The following GCN1 variants were observed in gnomAD, a reference collection of about 807,000 sequenced individuals.
GCN1 encodes GCN1 activator of EIF2AK4, also known as stalled ribosome sensor GCN1.
GCN1 carries 90 observed loss-of-function variants against 288.4 expected under a neutral mutation model. The ratio of observed to expected loss-of-function variants is 0.31; its 90% CI spans 0.26 to 0.37. The LOEUF (loss-of-function observed/expected upper bound fraction) is 0.37. Ranked by LOEUF, GCN1 falls within the 10% of genes least tolerant of loss-of-function variation. The probability of loss-of-function intolerance (pLI) is 1.00; values close to 1 mark genes in which losing one functional copy is unlikely to be tolerated. For missense variants in GCN1, 2,586 were observed against 3,419.9 expected, an observed-to-expected ratio of 0.76 and a Z score of 6.08; for synonymous variants, 1,386 against 1,420.2, an observed-to-expected ratio of 0.98 and a Z score of 0.54.
intron 16 of GCN1, among the ~76,000 whole-genome samples, chr12:120,167,352 C>CAAAAA (rs58505091): frequency 5.5e-5 from 4 of 73,034 alleles, no homozygotes; most frequent in Non-Finnish European, 6.0e-5. Flanking sequence ...AACTCCATCT[C>CAAAAA]AAAAAAAAAA....
intron 38 of GCN1, 121 bp downstream of exon 38, chr12:120,146,931 T>C: frequency 1.8e-6 from 1 of 556,820 alleles, no homozygotes. Context: ...TTTCTCCCCA[T>C]AAAAATAATT....
In GCN1 at chr12:120,152,421, T is replaced by C. The variant is rs56727330; in HGVS notation, c.4062+792A>G. ...CACACACACACACACAAAATATATATATATAAATATATATATATTTATATA... is the reference window on the plus strand; with the variant it reads ...CACACACACACACACAAAATATATACATATAAATATATATATATTTATATA... On this transcript the variant is annotated intron_variant, in intron 33 of 57. Coordinates refer to ENST00000300648, the MANE Select transcript of GCN1 (RefSeq NM_006836.2). Among the ~76,000 whole-genome samples, 741 of 128,658 alleles carry C rather than the reference T, an allele frequency of 5.8e-3. 11 individuals are homozygous for C. The highest frequency in any genetic ancestry group is 0.022 in the African/African-American group (709 of 32,686). The allele number at this position is 128,658 out of a possible 152,430, so 84.4% of individuals were successfully genotyped here.
intron 45 of GCN1, chr12:120,139,082 G>A: frequency 2.8e-6 from 1 of 356,366 alleles, no homozygotes; most frequent in Middle Eastern, 8.3e-4. Flanking sequence ...GGCCAAGGTG[G>A]GCGGATGACT....
chr12:120,167,079 C>T (rs558027334), intron 16 of GCN1, among the ~76,000 whole-genome samples: 150 of 151,944 alleles, frequency 9.9e-4, no homozygotes, highest in South Asian at 4.8e-3. Context: ...GTGGCTCATG[C>T]CTGTAATCCC....
chr12:120,130,221 G>A (rs1329172379), intron 56 of GCN1, among the ~76,000 whole-genome samples: 1 of 152,190 alleles, frequency 6.6e-6, no homozygotes, highest in African/African-American at 2.4e-5. Context: ...CAGGAGCCCT[G>A]CTGGCACATT....
At chr12:120,168,364 C>T in intron 15 of GCN1, 64 bp from the exon 16 acceptor site, 1 of 929,570 alleles carries the variant, frequency 1.1e-6, no homozygotes, top group Non-Finnish European at 1.8e-6. Flanking sequence ...TGATCTACTC[C>T]ATCCTGAAGC....
intron 34 of GCN1, among the ~76,000 whole-genome samples, 173 bp downstream of exon 34, chr12:120,150,972 A>G (rs188057213): frequency 6.6e-6 from 1 of 152,106 alleles, no homozygotes; most frequent in African/African-American, 2.4e-5. Flanking sequence ...AAAATTTGCA[A>G]GTCCAAGGAA....
chr12:120,161,636 T>C (rs1175618236), intron 21 of GCN1, 53 bp from the exon 22 acceptor site: 1 of 1,334,238 alleles, frequency 7.5e-7, no homozygotes, highest in Admixed American at 1.7e-5. Context: ...GCAAGTCCTG[T>C]CAGCCTCCCG....
Position 120,153,294 on chromosome 12 carries a change from G to A in GCN1, c.3981C>T (p.Ala1327=). The change falls in exon 33 of 58, where the codon GCC becomes GCT. Residue 1327 remains alanine (A), a synonymous_variant. Transcript: ENST00000300648. This position sits in a 1 kb window ranked among gnomAD's most constrained non-coding sequence, Gnocchi z 4.4. ...QSVVVLMGSL[A]KHLDKSDPKV... The stretch of plus-strand genomic sequence containing the variant: ...TGGGGTCACTCTTGTCCAGGTGCTT[G>A]GCCAGAGAGCCCATCAGGACCACCA... 1 of 1,614,170 alleles carries A rather than the reference G, an allele frequency of 6.2e-7. No homozygotes were observed. The highest frequency in any genetic ancestry group is 8.5e-7 in the Non-Finnish European group (1 of 1,180,026).
chr12:120,136,181 C>A (rs1214152392), intron 51 of GCN1, among the ~76,000 whole-genome samples: 1 of 152,112 alleles, frequency 6.6e-6, no homozygotes, highest in Non-Finnish European at 1.5e-5. Context: ...ATGTAGCAGG[C>A]ATCATGCTGG....
chr12:120,157,864 G>A lies in GCN1; in HGVS notation c.3072C>T (p.Pro1024=), dbSNP rs375573376. ...CCCTGCCAACCTCGTCCACCCGCCC[G>A]GGTGGGGTGTTGGGGGAGGCCCTCA... is the stretch of plus-strand genomic sequence containing the variant. The part of the protein sequence containing the change: ...AQLRASPNTP[P]GRVDENGPEL... Residue 1024 remains proline, a synonymous_variant, in exon 26 of 58, where the codon CCC becomes CCT. Transcript: ENST00000300648. 6.3e-5 allele frequency: 101 copies of A among 1,613,510 alleles called. 1 individual carries two copies. The highest frequency in any genetic ancestry group is 1.8e-4 in the South Asian group (16 of 91,084).
In GCN1 at chr12:120,162,873, T is replaced by C; in HGVS notation, c.2137A>G (p.Met713Val). The C allele has an allele frequency of 1.9e-6, 3 of 1,614,114 alleles. No homozygotes were observed. The highest frequency in any genetic ancestry group is 2.5e-6 in the Non-Finnish European group (3 of 1,180,032). ...TRHLDQIIPR[M>V]TTQSPLNQSS... ...TGGTTTAGGGGACTCTGTGTGGTCA[T>C]CCTGGGAATGATCTGATCCAGGTGC... is the stretch of plus-strand genomic sequence containing the variant. The change falls in exon 20 of 58, where the codon ATG becomes GTG. Residue 713 changes from methionine to valine, a missense_variant. Physicochemically the swap from Met to Val is conservative, Grantham distance 21. Around this residue, in one of 8 missense-constraint regions of GCN1, gnomAD observed 913 missense variants for 1,107.0 expected, o/e 0.82. Transcript: ENST00000300648.
chr12:120,136,625 C>A lies in GCN1; in HGVS notation c.6885G>T (p.Ser2295=). Residue 2295 remains serine, a synonymous_variant, in exon 51 of 58, where the codon TCG becomes TCT. Transcript: ENST00000300648. ...KALGLVIRLT[S]ADALRPSVVS... ...CCACGGAGGGCCTCAGGGCGTCAGCCGAGGTCAGGCGGATTACCAAGCCTA... is the reference window on the plus strand; with the variant it reads ...CCACGGAGGGCCTCAGGGCGTCAGCAGAGGTCAGGCGGATTACCAAGCCTA... 6.2e-7 allele frequency: 1 copy of A among 1,614,170 alleles called. No homozygotes were observed. Among genetic ancestry groups the A allele is most frequent in the East Asian group, 2.2e-5 (1 of 44,886 alleles).
rs1207547760 is a variant in GCN1, at chr12:120,137,854, T to C, written c.6394-40A>G. ...GGACATGTGTGCTGAGCAGGGATCC[T>C]CCGGGCAGACGGGACATGAGAAAGC... is the stretch of plus-strand genomic sequence containing the variant. On this transcript the variant is annotated intron_variant, in intron 48 of 57. Coordinates refer to ENST00000300648, the MANE Select transcript of GCN1 (RefSeq NM_006836.2). The surrounding 1 kb of genome is among the most constrained non-coding windows in gnomAD (Gnocchi z 5.2). The C allele has an allele frequency of 6.2e-7, 1 of 1,612,744 alleles. No individual in the cohort carries two copies. Among genetic ancestry groups the C allele is most frequent in the African/African-American group, 1.3e-5 (1 of 75,024 alleles).
At position 120,144,940 on chromosome 12, in the gene GCN1, C is replaced by T. The variant is rs752134423; in HGVS notation, c.5138G>A (p.Arg1713His). The T allele has an allele frequency of 3.7e-6, 6 of 1,614,180 alleles. No individual in the cohort carries two copies. The highest frequency in any genetic ancestry group is 1.6e-4 in the Middle Eastern group (1 of 6,062). The stretch of plus-strand genomic sequence containing the variant: ...GGCCTTACCCTGTGCAGCGCCTGAG[C>T]GATCCACAGAGCTCTGCTCATAGGT... ...TLTYEQSSVD[R>H]SGAAQGLAEV... Residue 1713 changes from arginine (R) to histidine (H), a missense_variant, in exon 40 of 58, where the codon CGC becomes CAC. Arg to His is a conservative substitution (Grantham distance 29, BLOSUM62 0). Transcript: ENST00000300648. The surrounding 1 kb of genome is among the most constrained non-coding windows in gnomAD (Gnocchi z 4.7).
At chr12:120,145,822 A>G (rs562611750) in intron 38 of GCN1, among the ~76,000 whole-genome samples, 3 of 152,352 alleles carry the variant, frequency 2.0e-5, no homozygotes, top group Admixed American at 6.5e-5. Flanking sequence ...CTTGGACACT[A>G]TATGACCAAT....
In GCN1 at chr12:120,144,862, C is replaced by G; in HGVS notation, c.5156-27G>C. On this transcript the variant is annotated intron_variant, in intron 40 of 57. Coordinates refer to ENST00000300648, the MANE Select transcript of GCN1 (RefSeq NM_006836.2). The surrounding 1 kb of genome is among the most constrained non-coding windows in gnomAD (Gnocchi z 4.7). ...TGCAACAAAGGACAGAATGAGTCCA[C>G]TGGATCTGAGGGCCCCTTAGAGCAT... 1 of 1,614,074 alleles carries G rather than the reference C, an allele frequency of 6.2e-7. No individual in the cohort carries two copies. The highest frequency in any genetic ancestry group is 8.5e-7 in the Non-Finnish European group (1 of 1,179,906).
At chr12:120,175,284 CGT>C in intron 11 of GCN1, 72 bp from the exon 12 acceptor site, 2 of 1,300,456 alleles carry the variant, frequency 1.5e-6, no homozygotes, top group Non-Finnish European at 2.2e-6. Context: ...AATGCAGTCA[CGT>C]GTGTGATGCC....
chr12:120,168,423 A>G (rs1225959625), intron 15 of GCN1, 123 bp from the exon 16 acceptor site: 2 of 687,346 alleles, frequency 2.9e-6, no homozygotes, highest in African/African-American at 1.8e-5. Flanking sequence ...CAGGAGGCTC[A>G]GTGCTCTTCC....
Sources: gnomAD v4.1 joint callset for allele counts (sites outside exome capture counted in the v4.1 genomes callset) on GRCh38, gnomAD v4.1.1 for gene constraint, gnomAD v4.1.1 regional missense constraint, Gnocchi (gnomAD v3.1) non-coding constraint, MANE v1.5 for transcripts, NCBI Gene and HGNC (gene_info 2026-07-23, HGNC 2026-07-21) for gene names.